ACLY: variants seen among roughly 807,000 people sequenced by gnomAD.
ACLY encodes the protein ATP-citrate synthase.
In ACLY, 41 loss-of-function variants were observed where a neutral mutation model predicts 133.0. That is an observed-to-expected ratio of 0.31 (90% CI 0.24 to 0.40). ACLY has a LOEUF of 0.40. ACLY is among the 10% of genes least tolerant of loss of function. The pLI is 1.00. For missense variants in ACLY, 1,046 were observed against 1,453.8 expected (o/e 0.72, Z 4.56); for synonymous variants, 495 against 549.3 (o/e 0.90, Z 1.38).
intron 9 of ACLY, 38 bp from the exon 10 acceptor site, chr17:41,904,828 T>C (rs782620979): frequency 2.5e-6 from 4 of 1,582,618 alleles, no homozygotes; most frequent in Non-Finnish European, 3.5e-6. Context: ...AACAGTTACA[T>C]AGGTAGACTT....
At chr17:41,907,955 A>G (rs1033235131) in intron 6 of ACLY, among the ~76,000 whole-genome samples, 18 of 152,224 alleles carry the variant, frequency 1.2e-4, no homozygotes, top group Middle Eastern at 3.4e-3. Flanking sequence ...AAGACCCCCC[A>G]CCGGTATGCA....
rs1238606361 is a variant in ACLY, at chr17:41,869,224, T to C, written c.3052-99A>G. The C allele has an allele frequency of 1.2e-5, 14 of 1,139,284 alleles. No homozygotes were observed. In the South Asian group the frequency reaches 1.7e-4, roughly 14 times the overall value. 70.6% of individuals were successfully genotyped at this position (1,139,284 alleles called of 1,614,324 possible). ...CTATTACTACGAATTGTGACCATCA[T>C]TTAAAAACCTTCTACCAGCCCCACT... is the stretch of plus-strand genomic sequence containing the variant. On this transcript the variant is annotated intron_variant, in intron 26 of 28. Transcript: ENST00000352035.
intron 2 of ACLY, 144 bp downstream of exon 2, chr17:41,913,571 T>C (rs2049964625): frequency 5.8e-6 from 5 of 855,002 alleles, no homozygotes; most frequent in Non-Finnish European, 9.0e-6. Flanking sequence ...ACACAAACCC[T>C]GCTCAGCCCA....
At chr17:41,927,071 T>C (rs2050252470) in intron 1 of ACLY, among the ~76,000 whole-genome samples, 1 of 152,132 alleles carries the variant, frequency 6.6e-6, no homozygotes, top group Admixed American at 6.5e-5. Flanking sequence ...TTTCTCCATG[T>C]TGGTCAGGCT....
At chr17:41,900,069 C>CAAAAAAAAAAAAAAAA (rs60296550) in intron 11 of ACLY, among the ~76,000 whole-genome samples, 4 of 46,632 alleles carry the variant, frequency 8.6e-5, no homozygotes, top group African/African-American at 2.0e-4. Flanking sequence ...ACCCTGTCTC[C>CAAAAAAAAAAAAAAAA]AAAAAAAAAA....
At chr17:41,901,435 C>T (rs373276163) in intron 11 of ACLY, among the ~76,000 whole-genome samples, 6 of 152,292 alleles carry the variant, frequency 3.9e-5, no homozygotes, top group African/African-American at 1.4e-4. Context: ...ACCCTCGTCA[C>T]CAGCACAAAG....
chr17:41,912,631 G>A (rs2049938190), intron 2 of ACLY, 89 bp from the exon 3 acceptor site: 5 of 1,513,236 alleles, frequency 3.3e-6, no homozygotes, highest in East Asian at 2.3e-5. Flanking sequence ...AGCAGGGATT[G>A]ACTTCCCATT....
intron 1 of ACLY, among the ~76,000 whole-genome samples, chr17:41,916,754 A>C (rs2050062794): frequency 6.6e-6 from 1 of 152,170 alleles, no homozygotes; most frequent in African/African-American, 2.4e-5. Flanking sequence ...AGACTGAAAA[A>C]AACCCCAGAA....
intron 10 of ACLY, among the ~76,000 whole-genome samples, chr17:41,902,128 G>T (rs1555631748): frequency 6.6e-6 from 1 of 152,186 alleles, no homozygotes; most frequent in Non-Finnish European, 1.5e-5. Flanking sequence ...TTTTGGTGGG[G>T]ATATCTATGT....
intron 24 of ACLY, 68 bp from the exon 25 acceptor site, chr17:41,871,900 A>G: frequency 1.2e-6 from 2 of 1,604,562 alleles, no homozygotes; most frequent in East Asian, 4.5e-5. Flanking sequence ...AAACCAACCC[A>G]GTGTGTCCCG....
At chr17:41,924,778 T>G (rs1162527877) in intron 1 of ACLY, among the ~76,000 whole-genome samples, 2 of 152,118 alleles carry the variant, frequency 1.3e-5, no homozygotes, top group African/African-American at 4.8e-5. Context: ...TCTCTGGGGA[T>G]GCAGCATCTG....
At position 41,929,647 on chromosome 17, in the gene ACLY, C is replaced by T. The variant is rs115908319; in HGVS notation, c.-28+711G>A. Among the ~76,000 whole-genome samples, 639 of 152,254 alleles carry T rather than the reference C, an allele frequency of 4.2e-3. 3 individuals carry two copies. The highest frequency in any genetic ancestry group is 0.015 in the African/African-American group (605 of 41,544). ...AGATAAAACTCCTTCAAGCAGGGAC[C>T]ATATTATTTCTTATATTTTGAATTA... On this transcript the variant is annotated intron_variant, in intron 1 of 3. Transcript: ENST00000592970.
rs781824208 is a variant in ACLY, at chr17:41,893,058, C to T, written c.1576G>A (p.Val526Met). ...GTGAAAGGGTAGACCATGGCAGCCA[C>T]TGAGGGCTCGTCTCGGGAGCAGACA... Reference protein sequence around the residue: ...DYVCSRDEPSVAAMVYPFTGD... With the variant: ...DYVCSRDEPSMAAMVYPFTGD... Residue 526 changes from valine (V) to methionine (M), a missense_variant, in exon 15 of 29, where the codon GTG becomes ATG. By Grantham distance (21) the Val-to-Met change is conservative. Coordinates refer to ENST00000352035, the MANE Select transcript of ACLY (RefSeq NM_001096.3). The T allele has an allele frequency of 1.3e-5, 21 of 1,613,936 alleles. No individual in the cohort carries two copies. Among genetic ancestry groups the T allele is most frequent in the Non-Finnish European group, 1.7e-5 (20 of 1,179,920 alleles).
rs200983471 is a variant in ACLY, at chr17:41,877,315, A to AT, written c.2487+787dup. On this transcript the variant is annotated intron_variant, in intron 22 of 28. Transcript: ENST00000352035. ...ACCACCGCGCCTGGCTAATTTTTGT[A>AT]TTTTTTCAGTAGAGATGGGGTTTCA... is the stretch of plus-strand genomic sequence containing the variant. Among the ~76,000 whole-genome samples, 898 of 150,664 alleles carry AT rather than the reference A, an allele frequency of 6.0e-3. 9 individuals carry two copies. Among genetic ancestry groups the AT allele is most frequent in the African/African-American group, 0.021 (861 of 40,934 alleles).
At chr17:41,892,883 GCC>G in intron 15 of ACLY, 148 bp downstream of exon 15, 2 of 935,438 alleles carry the variant, frequency 2.1e-6, no homozygotes, top group Non-Finnish European at 3.1e-6. Flanking sequence ...TCCCTATGTT[GCC>G]CAGGGCTGGT....
At position 41,878,907 on chromosome 17, in the gene ACLY, A is replaced by T; in HGVS notation, c.2283T>A (p.Ala761=). ...CAGAAGCCTGGTTGGCACAAGCTCC[A>T]GCATGGCCAAACTGGACCTGGAAAG... ...MFSSEVQFGH[A]GACANQASET... The change falls in exon 21 of 29, where the codon GCT becomes GCA. Residue 761 remains alanine, a synonymous_variant. Transcript: ENST00000352035. 6.2e-7 allele frequency: 1 copy of T among 1,614,142 alleles called. No individual in the cohort carries two copies. Among genetic ancestry groups the T allele is most frequent in the South Asian group, 1.1e-5 (1 of 91,072 alleles).
chr17:41,887,956 C>T lies in ACLY; in HGVS notation c.1771-253G>A, dbSNP rs182289060. Among the ~76,000 whole-genome samples, 2,530 of 152,006 alleles carry T rather than the reference C, an allele frequency of 0.017. 80 individuals are homozygous for T. Among genetic ancestry groups the T allele is most frequent in the African/African-American group, 0.058 (2,410 of 41,418 alleles). On this transcript the variant is annotated intron_variant, in intron 16 of 28. Transcript: ENST00000352035. ...CAGCCTGGCCAACGTAGCAAAACCC[C>T]GTCTCTACTAAAAATACAAAAATTA...
At chr17:41,877,203 C>T (rs1283748974) in intron 22 of ACLY, among the ~76,000 whole-genome samples, 6 of 151,774 alleles carry the variant, frequency 4.0e-5, no homozygotes, top group Admixed American at 2.0e-4. Flanking sequence ...TGCAATGGCA[C>T]GATCTTGGCT....
intron 28 of ACLY, among the ~76,000 whole-genome samples, 153 bp downstream of exon 28, chr17:41,868,556 G>A (rs955554944): frequency 1.2e-4 from 18 of 146,606 alleles, no homozygotes; most frequent in African/African-American, 4.3e-4. Context: ...TGATTAAGAG[G>A]ATATGACATT....
Sources: allele counts gnomAD v4.1 joint callset (sites outside exome capture counted in the v4.1 genomes callset), GRCh38; gene constraint gnomAD v4.1.1; transcripts MANE v1.5; gene names NCBI Gene and HGNC (gene_info 2026-07-23, HGNC 2026-07-21).